Variants in NDRG4 observed in about 807,000 individuals in gnomAD.
NDRG4 encodes the protein NDRG family member 4.
NDRG4 carries 38 observed loss-of-function variants against 55.8 expected under a neutral mutation model. The observed-to-expected ratio is 0.68, with a 90% confidence interval of 0.53 to 0.89. The LOEUF (loss-of-function observed/expected upper bound fraction) is 0.89, where lower values mean the gene tolerates loss of function less well. Ranked by LOEUF, NDRG4 falls within the 40% of genes least tolerant of loss-of-function variation. The probability of loss-of-function intolerance (pLI) is 0.00; values close to 1 mark genes in which losing one functional copy is unlikely to be tolerated. For synonymous variants in NDRG4, 190 were observed against 182.7 expected, an observed-to-expected ratio of 1.04 and a Z score of -0.32; for missense variants, 455 against 468.6, an observed-to-expected ratio of 0.97 and a Z score of 0.27.
exon 1 of NDRG4, chr16:58,463,793 C>A (rs1420113896): frequency 6.6e-6 from 1 of 151,630 alleles, no homozygotes; most frequent in South Asian, 2.0e-4. Flanking sequence ...GTCCGCATCT[C>A]CGCGGTGAGT....
chr16:58,507,541 A>G, intron 8 of NDRG4: 1 of 503,292 alleles, frequency 2.0e-6, no homozygotes. Flanking sequence ...GCCATCCCAT[A>G]TGGTCCAGGA....
chr16:58,477,912 T>G (rs187537713), intron 1 of NDRG4, among the ~76,000 whole-genome samples: 214 of 152,268 alleles, frequency 1.4e-3, no homozygotes, highest in African/African-American at 5.0e-3. Context: ...TATCAAGGGA[T>G]CAAGGTTAAC....
chr16:58,472,022 A>T (rs2032914227), intron 1 of NDRG4, among the ~76,000 whole-genome samples: 1 of 152,150 alleles, frequency 6.6e-6, no homozygotes, highest in African/African-American at 2.4e-5. Context: ...AATGGCTTTT[A>T]ACAATATTGG....
chr16:58,503,261 G>A (rs1007216015), intron 1 of NDRG4, among the ~76,000 whole-genome samples: 1 of 152,186 alleles, frequency 6.6e-6, no homozygotes, highest in Non-Finnish European at 1.5e-5. Flanking sequence ...CACACAGAAG[G>A]GCGTTCAAGG....
intron 1 of NDRG4, chr16:58,503,564 A>T (rs1030051085): frequency 2.5e-6 from 2 of 793,762 alleles, no homozygotes; most frequent in African/African-American, 3.4e-5. Context: ...TGCAGAGAGG[A>T]CCAGACCTTC....
At chr16:58,509,381 C>T (rs2038482488) in intron 13 of NDRG4, 29 bp downstream of exon 13, 6 of 1,609,568 alleles carry the variant, frequency 3.7e-6, no homozygotes, top group Non-Finnish European at 5.1e-6. Context: ...CACCCCACAC[C>T]ACCTAGAGAC....
chr16:58,510,810 C>A, intron 14 of NDRG4, 127 bp downstream of exon 14: 1 of 865,986 alleles, frequency 1.2e-6, no homozygotes, highest in South Asian at 1.5e-5. Context: ...GTGTCCTGTT[C>A]AACTCAGAAA....
Position 58,500,243 on chromosome 16 carries a change from G to A in NDRG4, c.-6G>A. On this transcript the variant is annotated 5_prime_UTR_variant, in exon 1 of 15. Coordinates refer to ENST00000570248, the MANE Select transcript of NDRG4 (RefSeq NM_001242835.2). ...CTGGTAGAGGCGGGTTCCCTCCCTCGGCAAGATGCCGGAGTGCTGGGATGG... is the reference window on the plus strand; with the variant it reads ...CTGGTAGAGGCGGGTTCCCTCCCTCAGCAAGATGCCGGAGTGCTGGGATGG... The A allele has an allele frequency of 1.3e-6, 2 of 1,535,846 alleles. No individual in the cohort carries two copies. Among genetic ancestry groups the A allele is most frequent in the South Asian group, 2.4e-5 (2 of 84,038 alleles).
chr16:58,501,034 A>G, intron 1 of NDRG4: 1 of 1,243,058 alleles, frequency 8.0e-7, no homozygotes, highest in South Asian at 3.7e-5. Context: ...GGGCTAGGGG[A>G]CCCCAGGTGG....
chr16:58,492,158 C>T (rs1284787684), intron 2 of NDRG4, among the ~76,000 whole-genome samples: 1 of 152,172 alleles, frequency 6.6e-6, no homozygotes, highest in Non-Finnish European at 1.5e-5. Context: ...AGGATTTCCA[C>T]ACATCTACTC....
chr16:58,478,175 G>T (rs1157534564), intron 1 of NDRG4, among the ~76,000 whole-genome samples: 1 of 152,086 alleles, frequency 6.6e-6, no homozygotes, highest in East Asian at 1.9e-4. Context: ...TGGATCACGA[G>T]GTCAGGGGTT....
At chr16:58,507,505 A>G (rs1481412391) in intron 8 of NDRG4, 2 of 415,104 alleles carry the variant, frequency 4.8e-6, no homozygotes, top group Non-Finnish European at 8.4e-6. Context: ...AAACAAAACA[A>G]TAGAGAATAG....
chr16:58,504,565 A>G, intron 4 of NDRG4, 24 bp from the exon 5 acceptor site: 1 of 1,614,156 alleles, frequency 6.2e-7, no homozygotes, highest in Non-Finnish European at 8.5e-7. Context: ...CTAGCCCTAG[A>G]GTGACCAGCC....
chr16:58,502,209 G>A, intron 1 of NDRG4: 1 of 345,240 alleles, frequency 2.9e-6, no homozygotes, highest in Non-Finnish European at 5.9e-6. Context: ...TATGTGGGAA[G>A]TAAATGAGAA....
intron 1 of NDRG4, 138 bp from the exon 2 acceptor site, chr16:58,503,660 T>C: frequency 1.3e-6 from 2 of 1,524,514 alleles, no homozygotes; most frequent in South Asian, 1.2e-5. Flanking sequence ...TGGGGGCTTC[T>C]TGGGGTGATG....
In NDRG4 at chr16:58,510,094, G is replaced by T. The variant is rs143778720; in HGVS notation, c.866-551G>T. Among the ~76,000 whole-genome samples, 308 of 152,238 alleles carry T rather than the reference G, an allele frequency of 2.0e-3. 1 individual carries two copies. Among genetic ancestry groups the T allele is most frequent in the African/African-American group, 7.2e-3 (301 of 41,536 alleles). ...GTTCCCCTCCAGACTTCAGCCTCTGGAGCTATCTCCAGGGCAAACAGGAGG... is the reference window on the plus strand; with the variant it reads ...GTTCCCCTCCAGACTTCAGCCTCTGTAGCTATCTCCAGGGCAAACAGGAGG... On this transcript the variant is annotated intron_variant, in intron 13 of 14. Coordinates refer to ENST00000570248, the MANE Select transcript of NDRG4 (RefSeq NM_001242835.2).
intron 1 of NDRG4, among the ~76,000 whole-genome samples, chr16:58,503,373 G>C (rs1468174864): frequency 2.6e-5 from 4 of 152,184 alleles, no homozygotes; most frequent in African/African-American, 9.7e-5. Flanking sequence ...GAGGATTCCA[G>C]GCAGGACCAC....
downstream of NDRG4, among the ~76,000 whole-genome samples, chr16:58,514,171 C>T (rs1164715582): frequency 1.3e-5 from 2 of 152,150 alleles, no homozygotes; most frequent in Admixed American, 1.3e-4. Flanking sequence ...TATCCCTAAA[C>T]TTTGATATGA....
intron 1 of NDRG4, among the ~76,000 whole-genome samples, chr16:58,482,636 T>C (rs1283549302): frequency 6.7e-6 from 1 of 149,130 alleles, no homozygotes; most frequent in Non-Finnish European, 1.5e-5. Context: ...CTCTTTTTCC[T>C]TCCTTCCTTC....
Sources: allele counts gnomAD v4.1 joint callset (sites outside exome capture counted in the v4.1 genomes callset), GRCh38; gene constraint gnomAD v4.1.1; transcripts MANE v1.5; gene names NCBI Gene and HGNC (gene_info 2026-07-23, HGNC 2026-07-21).